The following SLC25A21 variants were observed in gnomAD, a reference collection of about 807,000 sequenced individuals.
SLC25A21 encodes mitochondrial 2-oxodicarboxylate carrier.
Under a neutral mutation model 43.8 loss-of-function variants are expected in SLC25A21, and 47 were observed. That is an observed-to-expected ratio of 1.07 (90% CI 0.85 to 1.37). The LOEUF (loss-of-function observed/expected upper bound fraction) is 1.37, where lower values mean the gene tolerates loss of function less well. SLC25A21 is among the 40% of genes most tolerant of loss of function. The pLI, the probability that SLC25A21 is intolerant of heterozygous loss-of-function variation, is 0.00. For synonymous variants in SLC25A21, 131 were observed against 121.3 expected (o/e 1.08, Z -0.52); for missense variants, 352 against 350.2 (o/e 1.00, Z -0.04).
chr14:36,695,005 C>T (rs112316543), intron 7 of SLC25A21, among the ~76,000 whole-genome samples: 13 of 152,258 alleles, frequency 8.5e-5, no homozygotes, highest in African/African-American at 3.1e-4. Context: ...CTGAATGGTA[C>T]TGCCTAGGTT....
intron 3 of SLC25A21, 32 bp downstream of exon 3, chr14:36,813,886 T>C (rs1344665105): frequency 7.8e-6 from 11 of 1,419,204 alleles, no homozygotes; most frequent in African/African-American, 1.4e-5. Flanking sequence ...AGTAGAAACA[T>C]ATTAAAATGG....
intron 1 of SLC25A21, among the ~76,000 whole-genome samples, chr14:37,170,088 T>G (rs557583863): frequency 6.6e-6 from 1 of 152,054 alleles, no homozygotes; most frequent in South Asian, 2.1e-4. Flanking sequence ...CAGGTTGGAG[T>G]GCAGTGGCAC....
rs144707923 is a variant in SLC25A21, at chr14:36,680,571, C to G, written c.*87G>C. 2.0e-6 allele frequency: 3 copies of G among 1,512,150 alleles called. No individual in the cohort carries two copies. In the African/African-American group the frequency reaches 4.2e-5, roughly 21 times the overall value. 93.7% of individuals were successfully genotyped at this position (1,512,150 alleles called of 1,614,324 possible). A position where few individuals can be genotyped will look rare whatever the true frequency, so the allele number is the denominator to read the frequency against. Reference sequence around the variant, plus strand: ...AACAGTTTTCTCCTTCATAATTATACACCTGGCCGATCGATAGTCTCTCTT... The same window carrying G: ...AACAGTTTTCTCCTTCATAATTATAGACCTGGCCGATCGATAGTCTCTCTT... On this transcript the variant is annotated 3_prime_UTR_variant, in exon 10 of 10. Coordinates refer to ENST00000331299, the MANE Select transcript of SLC25A21 (RefSeq NM_030631.4).
chr14:36,984,270 A>G (rs577955383), intron 1 of SLC25A21, among the ~76,000 whole-genome samples: 1 of 152,310 alleles, frequency 6.6e-6, no homozygotes, highest in African/African-American at 2.4e-5. Context: ...TGTTGTAAAC[A>G]AAGAGTTGCA....
At chr14:36,816,377 G>A (rs555557425) in intron 2 of SLC25A21, among the ~76,000 whole-genome samples, 3 of 152,200 alleles carry the variant, frequency 2.0e-5, no homozygotes, top group African/African-American at 7.2e-5. Flanking sequence ...TAGACTGGGT[G>A]AGAAATAATG....
chr14:37,017,700 T>C (rs1213906277), intron 1 of SLC25A21, among the ~76,000 whole-genome samples: 1 of 152,072 alleles, frequency 6.6e-6, no homozygotes, highest in Non-Finnish European at 1.5e-5. Flanking sequence ...TTTTGCTTCT[T>C]CATTTCTAAA....
intron 1 of SLC25A21, among the ~76,000 whole-genome samples, chr14:37,171,014 C>T (rs892503023): frequency 6.7e-6 from 1 of 150,244 alleles, no homozygotes. Context: ...TGCTTGAACC[C>T]GGGAGTTGGA....
At chr14:36,922,864 A>G (rs1332182712) in intron 1 of SLC25A21, among the ~76,000 whole-genome samples, 1 of 152,186 alleles carries the variant, frequency 6.6e-6, no homozygotes, top group African/African-American at 2.4e-5. Context: ...CCTGCAAAAC[A>G]AACTAAAAAC....
chr14:36,972,833 G>A (rs1026169199), intron 1 of SLC25A21, among the ~76,000 whole-genome samples: 1 of 151,772 alleles, frequency 6.6e-6, no homozygotes, highest in Non-Finnish European at 1.5e-5. Context: ...TGGGTTTTTT[G>A]TTGTTTGTTT....
chr14:37,085,239 C>T (rs1962462149), intron 1 of SLC25A21, among the ~76,000 whole-genome samples: 2 of 152,120 alleles, frequency 1.3e-5, no homozygotes, highest in South Asian at 4.2e-4. Flanking sequence ...ACACGCCACG[C>T]TCGTTGGATG....
intron 4 of SLC25A21, among the ~76,000 whole-genome samples, chr14:36,734,181 T>C (rs2139228094): frequency 6.6e-6 from 1 of 152,306 alleles, no homozygotes; most frequent in South Asian, 2.1e-4. Context: ...TAATAATTGT[T>C]TCTCCAAAGA....
intron 1 of SLC25A21, among the ~76,000 whole-genome samples, chr14:36,878,596 A>G (rs1447828292): frequency 1.3e-5 from 2 of 152,140 alleles, no homozygotes; most frequent in African/African-American, 4.8e-5. Context: ...ACCTCAAGAA[A>G]CTGAGTGGTA....
chr14:36,776,988 A>G (rs1886859512), intron 3 of SLC25A21, among the ~76,000 whole-genome samples: 1 of 152,140 alleles, frequency 6.6e-6, no homozygotes, highest in Non-Finnish European at 1.5e-5. Context: ...GGCTGGGCGC[A>G]GTGGCTCACG....
intron 3 of SLC25A21, among the ~76,000 whole-genome samples, chr14:36,795,900 G>C (rs931052907): frequency 1.3e-5 from 2 of 152,250 alleles, no homozygotes; most frequent in East Asian, 1.9e-4. Flanking sequence ...AGAGGATTGC[G>C]GGTAGAGGAA....
intron 3 of SLC25A21, among the ~76,000 whole-genome samples, chr14:36,786,241 C>T (rs924154044): frequency 6.6e-6 from 1 of 152,192 alleles, no homozygotes; most frequent in Admixed American, 6.5e-5. Context: ...GGACCCTGCA[C>T]CAGAGTAGGC....
At chr14:37,015,915 T>G (rs1382236717) in intron 1 of SLC25A21, among the ~76,000 whole-genome samples, 1 of 152,006 alleles carries the variant, frequency 6.6e-6, no homozygotes, top group South Asian at 2.1e-4. Context: ...TAAATTTGTT[T>G]GAGTTCATTG....
chr14:36,920,899 CAA>C (rs1429628867), intron 1 of SLC25A21, among the ~76,000 whole-genome samples: 1 of 152,006 alleles, frequency 6.6e-6, no homozygotes, highest in African/African-American at 2.4e-5. Flanking sequence ...GCACTAAATC[CAA>C]AAGAAATTCT....
chr14:36,705,337 G>T (rs557399085), intron 7 of SLC25A21, among the ~76,000 whole-genome samples: 12 of 151,536 alleles, frequency 7.9e-5, no homozygotes, highest in Non-Finnish European at 1.8e-4. Context: ...GAGCCACTGC[G>T]TCCGGCGGCT....
chr14:37,043,648 T>C (rs749750697), intron 1 of SLC25A21, among the ~76,000 whole-genome samples: 4 of 152,198 alleles, frequency 2.6e-5, no homozygotes, highest in Non-Finnish European at 5.9e-5. Flanking sequence ...GCCCCTCTCA[T>C]GTGTTCTGGA....
Sources: gnomAD v4.1 joint callset for allele counts (sites outside exome capture counted in the v4.1 genomes callset) on GRCh38, gnomAD v4.1.1 for gene constraint, MANE v1.5 for transcripts, NCBI Gene and HGNC (gene_info 2026-07-23, HGNC 2026-07-21) for gene names.